Variants in LRP4 observed in about 807,000 individuals in gnomAD.
LRP4 encodes low-density lipoprotein receptor-related protein 4.
LRP4 carries 95 observed loss-of-function variants against 220.3 expected under a neutral mutation model. The observed-to-expected ratio is 0.43, with a 90% confidence interval of 0.37 to 0.51. The LOEUF (loss-of-function observed/expected upper bound fraction) is 0.51. Among genes scored for constraint, LRP4 ranks in the 20% least tolerant of loss-of-function variants. LRP4 has a pLI of 0.00. For synonymous variants in LRP4, 903 were observed against 954.6 expected (o/e 0.95, Z 1.00); for missense variants, 1,925 against 2,567.0 (o/e 0.75, Z 5.40).
intron 19 of LRP4, among the ~76,000 whole-genome samples, chr11:46,883,538 A>G (rs1292937223): frequency 6.6e-6 from 1 of 152,212 alleles, no homozygotes; most frequent in Admixed American, 6.5e-5. Flanking sequence ...GTTAATATCT[A>G]TAGAAACAAT....
At position 46,858,720 on chromosome 11, in the gene LRP4, CA is replaced by C. The variant is rs1940445963; in HGVS notation, c.*262del. ...GTGAGGAATCACGAATAAGCAGTTTCAGGGGGCCCAGGATGGAGTACAAGAT... is the reference window on the plus strand; with the variant it reads ...GTGAGGAATCACGAATAAGCAGTTTCGGGGGCCCAGGATGGAGTACAAGAT... On this transcript the variant is annotated 3_prime_UTR_variant, in exon 38 of 38. Coordinates refer to ENST00000378623, the MANE Select transcript of LRP4 (RefSeq NM_002334.4). 1 of 510,362 alleles carries C rather than the reference CA, an allele frequency of 2.0e-6. No individual in the cohort carries two copies. Among genetic ancestry groups the C allele is most frequent in the Non-Finnish European group, 3.6e-6 (1 of 278,486 alleles). 31.6% of individuals were successfully genotyped at this position (510,362 alleles called of 1,614,324 possible).
chr11:46,889,027 G>A (rs1163123839), intron 16 of LRP4, among the ~76,000 whole-genome samples: 2 of 152,174 alleles, frequency 1.3e-5, no homozygotes, highest in Non-Finnish European at 2.9e-5. Context: ...TGGCTTCCTG[G>A]TTTAAGGGCC....
At chr11:46,877,159 A>G in intron 23 of LRP4, 40 bp downstream of exon 23, 1 of 1,610,398 alleles carries the variant, frequency 6.2e-7, no homozygotes, top group Non-Finnish European at 8.5e-7. Flanking sequence ...GTTGAAGGGC[A>G]GGGACAGAAG....
intron 13 of LRP4, among the ~76,000 whole-genome samples, chr11:46,891,375 A>G (rs1408819331): frequency 6.6e-6 from 1 of 151,130 alleles, no homozygotes; most frequent in Non-Finnish European, 1.5e-5. Flanking sequence ...CGGCCTCCCA[A>G]AGTGCTGGGG....
Position 46,897,037 on chromosome 11 carries a change from G to A in LRP4, c.797-43C>T, listed in dbSNP as rs374198283. The stretch of plus-strand genomic sequence containing the variant: ...TTAATGAAAGGTGGGCCCCATTTCA[G>A]CCTGAAATTCTCCCTGCCACCCAAA... On this transcript the variant is annotated intron_variant, in intron 7 of 37. Coordinates refer to ENST00000378623, the MANE Select transcript of LRP4 (RefSeq NM_002334.4). 1.9e-6 allele frequency: 3 copies of A among 1,613,094 alleles called. No homozygotes were observed. The African/African-American group carries it at 4.0e-5, about 22-fold the overall frequency.
chr11:46,905,460 G>A (rs2134875140), intron 1 of LRP4, among the ~76,000 whole-genome samples: 1 of 152,366 alleles, frequency 6.6e-6, no homozygotes, highest in South Asian at 2.1e-4. Flanking sequence ...GTCCCCCGGA[G>A]GACATTTAGC....
intron 12 of LRP4, among the ~76,000 whole-genome samples, chr11:46,893,526 A>G (rs527690640): frequency 5.3e-5 from 8 of 152,354 alleles, no homozygotes; most frequent in African/African-American, 1.9e-4. Flanking sequence ...TGTGCTTGAT[A>G]CCAAATTAGA....
chr11:46,891,983 G>A (rs1211738306), intron 13 of LRP4, among the ~76,000 whole-genome samples: 1 of 151,844 alleles, frequency 6.6e-6, no homozygotes, highest in Non-Finnish European at 1.5e-5. Context: ...CAGGCTGGAG[G>A]TCACTGTTGC....
At position 46,873,143 on chromosome 11, in the gene LRP4, G is replaced by C; in HGVS notation, c.4540C>G (p.Leu1514Val). ...AGGGTAAGGCCATTGGGCCAACCCA[G>C]GTCTGTGTTGATGAGGACCTTCCGC... ...SERKVLINTD[L>V]GWPNGLTLDY... Residue 1514 changes from leucine to valine, a missense_variant, in exon 30 of 38, where the codon CTG becomes GTG. Leu to Val is a conservative substitution (Grantham distance 32). This residue lies in a region of LRP4 where 1,244 missense variants were observed against 1,624.9 expected (regional missense o/e 0.77). Coordinates refer to ENST00000378623, the MANE Select transcript of LRP4 (RefSeq NM_002334.4). The surrounding 1 kb of genome is among the most constrained non-coding windows in gnomAD (Gnocchi z 4.2). 2 of 1,614,208 alleles carry C rather than the reference G, an allele frequency of 1.2e-6. No individual in the cohort carries two copies. The highest frequency in any genetic ancestry group is 1.7e-6 in the Non-Finnish European group (2 of 1,180,046).
chr11:46,861,766 A>AC (rs1940558370), intron 37 of LRP4, among the ~76,000 whole-genome samples: 1 of 151,846 alleles, frequency 6.6e-6, no homozygotes, highest in African/African-American at 2.4e-5. Flanking sequence ...GAAGTTAAAA[A>AC]AAAACAAACA....
At chr11:46,915,971 C>T (rs1263252809) in intron 1 of LRP4, among the ~76,000 whole-genome samples, 1 of 152,176 alleles carries the variant, frequency 6.6e-6, no homozygotes, top group South Asian at 2.1e-4. Flanking sequence ...TGGTTCCAGG[C>T]TCTGAAACTG....
At chr11:46,878,381 G>A (rs1159869561) in intron 22 of LRP4, among the ~76,000 whole-genome samples, 1 of 145,352 alleles carries the variant, frequency 6.9e-6, no homozygotes, top group African/African-American at 2.6e-5. Flanking sequence ...CCAGGTTCAA[G>A]CAATTCTTCT....
intron 37 of LRP4, among the ~76,000 whole-genome samples, chr11:46,860,283 C>A (rs1231291880): frequency 6.6e-6 from 1 of 151,242 alleles, no homozygotes; most frequent in Non-Finnish European, 1.5e-5. Context: ...AAAAGGAAAT[C>A]TTCTTATCTG....
rs57116396 is a variant in LRP4, at chr11:46,891,428, TACACACACACACAC to T, written c.1698-948_1698-935del. 8.8e-5 allele frequency among the ~76,000 whole-genome samples: 13 copies of T among 147,192 alleles called. No homozygotes were observed. In the South Asian group the frequency reaches 1.3e-3, roughly 15 times the overall value. ...CATGCCCGGCTCCTTTTGTATTTTA[TACACACACACACAC>T]ACACACACACACACACACACACAGA... On this transcript the variant is annotated intron_variant, in intron 13 of 37. Coordinates refer to ENST00000378623, the MANE Select transcript of LRP4 (RefSeq NM_002334.4).
Position 46,890,497 on chromosome 11 carries a change from AG to A in LRP4, c.1698-4del, listed in dbSNP as rs754869765. On this transcript the variant is annotated splice_polypyrimidine_tract_variant and splice_region_variant and intron_variant, in intron 13 of 37. Coordinates refer to ENST00000378623, the MANE Select transcript of LRP4 (RefSeq NM_002334.4). The surrounding 1 kb of genome is among the most constrained non-coding windows in gnomAD (Gnocchi z 5.3). Reference sequence around the variant, plus strand: ...CCCAGTCTGTCCAGTAAATGGTACTAGGAAGAGAAAAGTAAATTGGGAAGTG... The same window carrying A: ...CCCAGTCTGTCCAGTAAATGGTACTAGAAGAGAAAAGTAAATTGGGAAGTG... 6.2e-7 allele frequency: 1 copy of A among 1,609,164 alleles called. No homozygotes were observed. Among genetic ancestry groups the A allele is most frequent in the Non-Finnish European group, 8.5e-7 (1 of 1,175,892 alleles).
At position 46,889,511 on chromosome 11, in the gene LRP4, G is replaced by T. The variant is rs1941374132; in HGVS notation, c.2115C>A (p.Asn705Lys). Reference protein sequence around the residue: ...QPAGKNRCGDNNGGCTHLCLP... With the variant: ...QPAGKNRCGDKNGGCTHLCLP... ...GACACAGGTGCGTGCAGCCTCCGTT[G>T]TTGTCCCCACAGCGGTTTTTCCCTG... The change falls in exon 16 of 38, where the codon AAC (asparagine) becomes AAA (lysine). Residue 705 changes from asparagine (N) to lysine (K), a missense_variant. Physicochemically the swap from Asn to Lys is moderately conservative, Grantham distance 94. Around this residue, in one of 3 missense-constraint regions of LRP4, gnomAD observed 1,244 missense variants for 1,624.9 expected, o/e 0.77. Coordinates refer to ENST00000378623, the MANE Select transcript of LRP4 (RefSeq NM_002334.4). 6.2e-7 allele frequency: 1 copy of T among 1,614,034 alleles called. No homozygotes were observed. Among genetic ancestry groups the T allele is most frequent in the Admixed American group, 1.7e-5 (1 of 60,024 alleles).
rs540593524 is a variant in LRP4 at position 46,911,841 on chromosome 11, C to CTTTTT, written c.52+6482_52+6486dup. On this transcript the variant is annotated intron_variant, in intron 1 of 37. Transcript: ENST00000378623. ...TTCCCATCTGTAAGATGGGAATCTTCTTTTTTTTTTTTTTTTTTTGAGACG... is the reference window on the plus strand; with the variant it reads ...TTCCCATCTGTAAGATGGGAATCTTCTTTTTTTTTTTTTTTTTTTTTTTTGAGACG... Among the ~76,000 whole-genome samples the CTTTTT allele has an allele frequency of 1.2e-3, 140 of 118,734 alleles. 4 individuals carry two copies. Among genetic ancestry groups the CTTTTT allele is most frequent in the Non-Finnish European group, 1.9e-3 (112 of 59,248 alleles). 77.9% of individuals were successfully genotyped at this position (118,734 alleles called of 152,430 possible). A position where few individuals can be genotyped will look rare whatever the true frequency, so the allele number is the denominator to read the frequency against.
In LRP4 at chr11:46,886,477, C is replaced by T. The variant is rs1189978589; in HGVS notation, c.2272G>A (p.Asp758Asn). The change falls in exon 17 of 38, where the codon GAC (aspartate) becomes AAC (asparagine). Residue 758 changes from aspartate to asparagine, a missense_variant. Transcript: ENST00000378623. ...ACATCATCAGACAGGTCCTCTGTGT[C>T]AAAGCTGATTCGACGGATGTCCATC... ...RRMDIRRISF[D>N]TEDLSDDVIP... The T allele has an allele frequency of 6.2e-7, 1 of 1,614,028 alleles. No individual in the cohort carries two copies. The highest frequency in any genetic ancestry group is 1.3e-5 in the African/African-American group (1 of 74,938).
intron 20 of LRP4, among the ~76,000 whole-genome samples, chr11:46,879,597 A>G (rs982480274): frequency 2.6e-5 from 4 of 152,280 alleles, no homozygotes; most frequent in Non-Finnish European, 5.9e-5. Context: ...CTTATTAAGT[A>G]CAAAATTAAA....
Sources: gnomAD v4.1 joint callset for allele counts (sites outside exome capture counted in the v4.1 genomes callset) on GRCh38, gnomAD v4.1.1 for gene constraint, gnomAD v4.1.1 regional missense constraint, Gnocchi (gnomAD v3.1) non-coding constraint, MANE v1.5 for transcripts, NCBI Gene and HGNC (gene_info 2026-07-23, HGNC 2026-07-21) for gene names.